The following WDR7 variants were observed in gnomAD, a reference collection of about 807,000 sequenced individuals.
The protein encoded by WDR7 is WD repeat-containing protein 7.
Under a neutral mutation model 169.4 loss-of-function variants are expected in WDR7, and 46 were observed. That is an observed-to-expected ratio of 0.27 (90% CI 0.21 to 0.35). The LOEUF is 0.35. WDR7 is among the 10% of genes least tolerant of loss of function. The pLI, the probability that WDR7 is intolerant of heterozygous loss-of-function variation, is 1.00. For synonymous variants in WDR7, 612 were observed against 666.8 expected, an observed-to-expected ratio of 0.92 and a Z score of 1.27; for missense variants, 1,534 against 1,859.3, an observed-to-expected ratio of 0.83 and a Z score of 3.22.
intron 26 of WDR7, among the ~76,000 whole-genome samples, chr18:57,010,806 A>G (rs1222909478): frequency 6.6e-6 from 1 of 152,142 alleles, no homozygotes; most frequent in Non-Finnish European, 1.5e-5. Flanking sequence ...AAGGGCTTAG[A>G]CATTAATAGG....
At chr18:56,690,569 C>T (rs2025542766) in intron 7 of WDR7, among the ~76,000 whole-genome samples, 1 of 152,144 alleles carries the variant, frequency 6.6e-6, no homozygotes, top group African/African-American at 2.4e-5. Flanking sequence ...AATCCCAGCA[C>T]TTTAGGAGGC....
In WDR7 at chr18:56,982,135, G is replaced by A. The variant is rs547796317; in HGVS notation, c.4164+19606G>A. 2.0e-5 allele frequency among the ~76,000 whole-genome samples: 3 copies of A among 152,258 alleles called. No individual in the cohort carries two copies. The South Asian group carries it at 6.2e-4, about 32-fold the overall frequency. On this transcript the variant is annotated intron_variant, in intron 26 of 27. Transcript: ENST00000254442. ...GGTCTGTGCTGATGAAAGTAATGAAGGGACCATTGAGACAAACCTGAAATC... is the reference window on the plus strand; with the variant it reads ...GGTCTGTGCTGATGAAAGTAATGAAAGGACCATTGAGACAAACCTGAAATC...
chr18:56,842,205 T>C (rs2045496595), intron 20 of WDR7, among the ~76,000 whole-genome samples: 2 of 152,100 alleles, frequency 1.3e-5, no homozygotes, highest in African/African-American at 4.8e-5. Context: ...TTATAAAGAA[T>C]AGAGACTTAT....
chr18:56,973,737 T>C (rs1568294910), intron 26 of WDR7, among the ~76,000 whole-genome samples: 1 of 152,110 alleles, frequency 6.6e-6, no homozygotes, highest in African/African-American at 2.4e-5. Context: ...TTGTAAAGAG[T>C]GCTGATGCTG....
chr18:56,709,104 TAAG>T lies in WDR7; in HGVS notation c.1579-8857_1579-8855del, dbSNP rs542578970. Among the ~76,000 whole-genome samples, 387 of 152,276 alleles carry T rather than the reference TAAG, an allele frequency of 2.5e-3. 1 individual carries two copies. The highest frequency in any genetic ancestry group is 4.5e-3 in the Non-Finnish European group (305 of 68,016). Reference sequence around the variant, plus strand: ...ATAAAGTAAGTTCAGTAGAAAAACATAAGAAATATTCAGAGAACAGTGGAAGCT... The same window carrying T: ...ATAAAGTAAGTTCAGTAGAAAAACATAAATATTCAGAGAACAGTGGAAGCT... On this transcript the variant is annotated intron_variant, in intron 12 of 27. Coordinates refer to ENST00000254442, the MANE Select transcript of WDR7 (RefSeq NM_015285.3).
chr18:56,989,700 A>G (rs1427433776), intron 26 of WDR7, among the ~76,000 whole-genome samples: 1 of 152,202 alleles, frequency 6.6e-6, no homozygotes, highest in East Asian at 1.9e-4. Flanking sequence ...ATACTTGATT[A>G]TACCTGTAAT....
chr18:56,734,082 A>G (rs2026644266), intron 14 of WDR7, among the ~76,000 whole-genome samples: 1 of 152,138 alleles, frequency 6.6e-6, no homozygotes, highest in African/African-American at 2.4e-5. Flanking sequence ...ATGAACCTTT[A>G]GATGTGGAGC....
chr18:56,865,278 A>G lies in WDR7; in HGVS notation c.3305-14666A>G, dbSNP rs144236265. ...GCATTTAGCACTCAAAGTATACTGC[A>G]AAGCCTATTTCTCAAAGCTTCAGAC... On this transcript the variant is annotated intron_variant, in intron 20 of 27. Coordinates refer to ENST00000254442, the MANE Select transcript of WDR7 (RefSeq NM_015285.3). Among the ~76,000 whole-genome samples, 31 of 152,206 alleles carry G rather than the reference A, an allele frequency of 2.0e-4. 1 individual carries two copies. The highest frequency in any genetic ancestry group is 7.2e-4 in the African/African-American group (30 of 41,582).
At chr18:56,665,489 G>A (rs2025000597) in intron 1 of WDR7, among the ~76,000 whole-genome samples, 1 of 20,800 alleles carries the variant, frequency 4.8e-5, no homozygotes, top group Non-Finnish European at 3.3e-3. Context: ...TTAAAAGGCA[G>A]TCATATTACT....
At chr18:56,940,160 G>A (rs953375241) in intron 25 of WDR7, among the ~76,000 whole-genome samples, 3 of 152,060 alleles carry the variant, frequency 2.0e-5, no homozygotes, top group Non-Finnish European at 1.5e-5. Flanking sequence ...GTAGAAAACA[G>A]AACAACCAGT....
At chr18:57,013,616 G>T (rs1458229875) in intron 26 of WDR7, among the ~76,000 whole-genome samples, 3 of 152,206 alleles carry the variant, frequency 2.0e-5, no homozygotes, top group Non-Finnish European at 2.9e-5. Context: ...GGGTTAACGA[G>T]CAATAAATGA....
chr18:56,665,305 A>AG (rs1568125512), intron 1 of WDR7, among the ~76,000 whole-genome samples: 24 of 95,014 alleles, frequency 2.5e-4, no homozygotes, highest in South Asian at 4.9e-4. Flanking sequence ...AAAAAAAAAA[A>AG]AAAGAAGAAG....
chr18:56,676,905 G>A (rs955242812), intron 2 of WDR7, among the ~76,000 whole-genome samples: 4 of 152,028 alleles, frequency 2.6e-5, no homozygotes, highest in Non-Finnish European at 5.9e-5. Flanking sequence ...TGAGCCAGGG[G>A]CCTGTCAGCT....
chr18:56,698,933 A>C (rs2025765079), intron 12 of WDR7, among the ~76,000 whole-genome samples: 1 of 152,200 alleles, frequency 6.6e-6, no homozygotes, highest in East Asian at 1.9e-4. Flanking sequence ...TACTGGGCTT[A>C]ATACTTGGGT....
At chr18:56,805,630 G>C (rs1235475444) in intron 19 of WDR7, among the ~76,000 whole-genome samples, 1 of 151,742 alleles carries the variant, frequency 6.6e-6, no homozygotes, top group Admixed American at 6.6e-5. Context: ...CTATTCTGAT[G>C]ACCAGAAAGA....
intron 16 of WDR7, 112 bp from the exon 17 acceptor site, chr18:56,776,670 A>T (rs1000897804): frequency 2.4e-6 from 2 of 831,218 alleles, no homozygotes; most frequent in African/African-American, 3.4e-5. Context: ...TCAGTTCTAC[A>T]TTCTCTGTTT....
At chr18:56,816,284 C>T (rs2044969556) in intron 20 of WDR7, 140 bp downstream of exon 20, 4 of 678,432 alleles carry the variant, frequency 5.9e-6, no homozygotes, top group Non-Finnish European at 9.4e-6. Flanking sequence ...TTTTATGAAA[C>T]TGTTCAGTGT....
At chr18:56,730,271 C>T (rs867321900) in intron 13 of WDR7, among the ~76,000 whole-genome samples, 6 of 151,870 alleles carry the variant, frequency 4.0e-5, no homozygotes, top group South Asian at 2.1e-4. Context: ...CTCTGGTGTT[C>T]GTGTTATGGA....
chr18:56,816,188 T>A (rs935765018), intron 20 of WDR7, 44 bp downstream of exon 20: 1 of 1,528,676 alleles, frequency 6.5e-7, no homozygotes, highest in Non-Finnish European at 8.9e-7. Flanking sequence ...CTTTGTTTGA[T>A]ATTGCAAAAT....
Sources: gnomAD v4.1 joint callset for allele counts (sites outside exome capture counted in the v4.1 genomes callset) on GRCh38, gnomAD v4.1.1 for gene constraint, MANE v1.5 for transcripts, NCBI Gene and HGNC (gene_info 2026-07-23, HGNC 2026-07-21) for gene names.